The following ENTR1 variants were observed in gnomAD, a reference collection of about 807,000 sequenced individuals.
The protein encoded by ENTR1 is endosome-associated-trafficking regulator 1.
ENTR1 carries 47 observed loss-of-function variants against 47.9 expected under a neutral mutation model. The observed-to-expected ratio is 0.98, with a 90% CI of 0.78 to 1.25. ENTR1 has a LOEUF of 1.25. Among genes scored for constraint, ENTR1 ranks in the 50% most tolerant of loss-of-function variants. ENTR1 has a pLI of 0.00. For missense variants in ENTR1, 668 were observed against 570.5 expected (o/e 1.17, Z -1.74); for synonymous variants, 290 against 245.8 (o/e 1.18, Z -1.68).
chr9:136,407,574 A>C lies in ENTR1; in HGVS notation c.403-13T>G, dbSNP rs1203705976. 3 of 1,540,480 alleles carry C rather than the reference A, an allele frequency of 1.9e-6. No homozygotes were observed. The highest frequency in any genetic ancestry group is 2.6e-6 in the Non-Finnish European group (3 of 1,147,024). Reference sequence around the variant, plus strand: ...GCCTCGAGGCTTCCTAAAAAAAAAAAAAAAAAAAAAACAATGGAGGCCATG... The same window carrying C: ...GCCTCGAGGCTTCCTAAAAAAAAAACAAAAAAAAAAACAATGGAGGCCATG... On this transcript the variant is annotated splice_polypyrimidine_tract_variant and intron_variant, in intron 4 of 9. Transcript: ENST00000357365.
rs201614946 is a variant in ENTR1 at position 136,407,256 on chromosome 9, A to T, written c.708T>A (p.Asp236Glu). The T allele has an allele frequency of 3.6e-3, 5,776 of 1,613,136 alleles. 16 individuals carry two copies. The highest frequency in any genetic ancestry group is 4.5e-3 in the Non-Finnish European group (5,311 of 1,179,990). Residue 236 changes from aspartate (D) to glutamate (E), a missense_variant, in exon 5 of 10, where the codon GAT (aspartate) becomes GAA (glutamate). Coordinates refer to ENST00000357365, the MANE Select transcript of ENTR1 (RefSeq NM_001039707.2). The stretch of plus-strand genomic sequence containing the variant: ...CCGGAGAGGCCGGAGACACGCGAGA[A>T]TCAGTGTCACTCAACGCCCACGAGG... ...SLPSWALSDT[D>E]SRVSPASPAG...
intron 3 of ENTR1, among the ~76,000 whole-genome samples, chr9:136,408,351 G>A (rs1227168814): frequency 6.6e-6 from 1 of 152,088 alleles, no homozygotes; most frequent in Non-Finnish European, 1.5e-5. Flanking sequence ...GGTCAAGGCG[G>A]GCGGATCACG....
chr9:136,402,783 G>C lies in ENTR1; in HGVS notation c.*5C>G, dbSNP rs367975305. Reference sequence around the variant, plus strand: ...GAGCTTCATGCTGAGAACACCCAGGGGTCCTCAAGAGTCTTCCTCCTCGTC... The same window carrying C: ...GAGCTTCATGCTGAGAACACCCAGGCGTCCTCAAGAGTCTTCCTCCTCGTC... On this transcript the variant is annotated 3_prime_UTR_variant, in exon 10 of 10. Coordinates refer to ENST00000357365, the MANE Select transcript of ENTR1 (RefSeq NM_001039707.2). 32 of 1,599,600 alleles carry C rather than the reference G, an allele frequency of 2.0e-5. No individual in the cohort carries two copies. The highest frequency in any genetic ancestry group is 2.7e-5 in the Non-Finnish European group (31 of 1,168,112).
intron 8 of ENTR1, 111 bp downstream of exon 8, chr9:136,404,520 C>T: frequency 8.5e-7 from 1 of 1,183,172 alleles, no homozygotes; most frequent in Non-Finnish European, 1.2e-6. Flanking sequence ...AGTCCTTTCT[C>T]TGCTTGGGCT....
At position 136,402,772 on chromosome 9, in the gene ENTR1, G is replaced by A; in HGVS notation, c.*16C>T. 3.8e-6 allele frequency: 6 copies of A among 1,583,122 alleles called. No individual in the cohort carries two copies. The highest frequency in any genetic ancestry group is 5.2e-6 in the Non-Finnish European group (6 of 1,153,326). ...GGGTATACACGGAGCTTCATGCTGA[G>A]AACACCCAGGGGTCCTCAAGAGTCT... On this transcript the variant is annotated 3_prime_UTR_variant, in exon 10 of 10. Transcript: ENST00000357365.
chr9:136,404,479 C>T (rs1212027634), intron 8 of ENTR1, 152 bp downstream of exon 8: 1 of 890,888 alleles, frequency 1.1e-6, no homozygotes, highest in Admixed American at 2.6e-5. Context: ...GCTTCACGCC[C>T]TGACAGGAAG....
chr9:136,410,496 C>A lies in ENTR1; in HGVS notation c.-99G>T. Reference sequence around the variant, plus strand: ...CGCGGCCCGCGTCGCCCGCCCCCGTCGCCCGCCCCCGTCGCCCGCCGCTCG... The same window carrying A: ...CGCGGCCCGCGTCGCCCGCCCCCGTAGCCCGCCCCCGTCGCCCGCCGCTCG... On this transcript the variant is annotated 5_prime_UTR_variant, in exon 1 of 10. Transcript: ENST00000357365. The A allele has an allele frequency of 1.0e-6, 1 of 955,322 alleles. No individual in the cohort carries two copies. Among genetic ancestry groups the A allele is most frequent in the Non-Finnish European group, 1.3e-6 (1 of 787,224 alleles). The allele number at this position is 955,322 out of a possible 1,614,324, so 59.2% of individuals were successfully genotyped here.
intron 5 of ENTR1, 56 bp downstream of exon 5, chr9:136,407,089 C>A (rs545251690): frequency 1.7e-5 from 25 of 1,513,072 alleles, no homozygotes; most frequent in African/African-American, 4.2e-5. Flanking sequence ...AGGTTCTCCC[C>A]GGGAGAAGCC....
chr9:136,403,439 C>CAGGGAGCAAGGGG, intron 9 of ENTR1, among the ~76,000 whole-genome samples: 1 of 68,820 alleles, frequency 1.5e-5, no homozygotes, highest in African/African-American at 5.2e-5. Flanking sequence ...GACAGGGTTC[C>CAGGGAGCAAGGGG]TGGGAGCAAG....
At chr9:136,404,265 G>A in intron 8 of ENTR1, 71 bp from the exon 9 acceptor site, 8 of 1,538,694 alleles carry the variant, frequency 5.2e-6, no homozygotes, top group East Asian at 2.3e-5. Flanking sequence ...CACCTGGCGA[G>A]GCGAGGGCTT....
rs998617995 is a variant in ENTR1, at chr9:136,407,170, C to T, written c.794G>A (p.Arg265Gln). The part of the protein sequence containing the change: ...HGESLGDRHL[R>Q]TLQISYDALK... ...TGCGTCGTAACTTATCTGCAGCGTC[C>T]GCAGGTGCCTGTCTCCCAGAGACTC... Residue 265 changes from arginine (R) to glutamine (Q), a missense_variant, in exon 5 of 10, where the codon CGG becomes CAG. By Grantham distance (43) the Arg-to-Gln change is conservative (BLOSUM62 1). Transcript: ENST00000357365. 8.7e-6 allele frequency: 14 copies of T among 1,605,560 alleles called. No homozygotes were observed. The highest frequency in any genetic ancestry group is 5.4e-5 in the African/African-American group (4 of 74,754).
intron 9 of ENTR1, among the ~76,000 whole-genome samples, chr9:136,403,776 C>CGCCCA: frequency 6.6e-6 from 1 of 152,190 alleles, no homozygotes; most frequent in East Asian, 1.9e-4. Flanking sequence ...AGAGCTTCAG[C>CGCCCA]GCCCACATGG....
rs757310160 is a variant in ENTR1 at position 136,404,663 on chromosome 9, C to T, written c.1036G>A (p.Val346Met). ...KRAVKAENHV[V>M]KLKQEISLLQ... Reference sequence around the variant, plus strand: ...AAACTGATTTCCTGTTTTAGTTTCACGACGTGGTTTTCTGCCTTTACAGCC... The same window carrying T: ...AAACTGATTTCCTGTTTTAGTTTCATGACGTGGTTTTCTGCCTTTACAGCC... The change falls in exon 8 of 10, where the codon GTG becomes ATG. Residue 346 changes from valine (V) to methionine (M), a missense_variant. By Grantham distance (21) the Val-to-Met change is conservative. Transcript: ENST00000357365. 23 of 1,614,020 alleles carry T rather than the reference C, an allele frequency of 1.4e-5. No individual in the cohort carries two copies. The highest frequency in any genetic ancestry group is 1.1e-4 in the East Asian group (5 of 44,898).
At position 136,410,102 on chromosome 9, in the gene ENTR1, C is replaced by G. The variant is rs752987111; in HGVS notation, c.208G>C (p.Val70Leu). ...CCTCGTCTCTCACCTGTGTCTCCCA[C>G]GGAAGCCAGCACCGGGCTGGGCACA... ...CYVPSPVLAS[V>L]GDTDFGYGKG... The change falls in exon 2 of 10, where the codon GTG becomes CTG. Residue 70 changes from valine to leucine, a missense_variant. Val to Leu is a conservative substitution (Grantham distance 32). Transcript: ENST00000357365. The G allele has an allele frequency of 6.2e-7, 1 of 1,612,698 alleles. No individual in the cohort carries two copies. The highest frequency in any genetic ancestry group is 1.3e-5 in the African/African-American group (1 of 74,896).
At chr9:136,406,601 C>T (rs1221882033) in intron 5 of ENTR1, among the ~76,000 whole-genome samples, 2 of 152,054 alleles carry the variant, frequency 1.3e-5, no homozygotes, top group Non-Finnish European at 2.9e-5. Flanking sequence ...CTCAGCCTCC[C>T]AAGTAGCTGG....
In ENTR1 at chr9:136,410,577, C is replaced by T. The variant is rs1456380321; in HGVS notation, c.-180G>A. 4 of 1,186,688 alleles carry T rather than the reference C, an allele frequency of 3.4e-6. No homozygotes were observed. In the African/African-American group the frequency reaches 4.7e-5, roughly 14 times the overall value. 73.5% of individuals were successfully genotyped at this position (1,186,688 alleles called of 1,614,324 possible). On this transcript the variant is annotated 5_prime_UTR_variant, in exon 1 of 10. Coordinates refer to ENST00000357365, the MANE Select transcript of ENTR1 (RefSeq NM_001039707.2). Reference sequence around the variant, plus strand: ...CTGCTTCCGCTCCGAGCACCGAAAGCGCGTGCCTGAACGCCTTGGGCCGTC... The same window carrying T: ...CTGCTTCCGCTCCGAGCACCGAAAGTGCGTGCCTGAACGCCTTGGGCCGTC...
rs1407535148 is a variant in ENTR1, at chr9:136,402,482, C to T, written c.*306G>A. ...GGATGGGACTGGAAAACATTGATTC[C>T]AGAACCACTCTTTTTCTTAAAATCA... is the stretch of plus-strand genomic sequence containing the variant. On this transcript the variant is annotated 3_prime_UTR_variant, in exon 10 of 10. Coordinates refer to ENST00000357365, the MANE Select transcript of ENTR1 (RefSeq NM_001039707.2). The T allele has an allele frequency of 1.2e-5, 3 of 253,836 alleles. No individual in the cohort carries two copies. The East Asian group carries it at 2.4e-4, about 20-fold the overall frequency. The allele number at this position is 253,836 out of a possible 1,614,324, so 15.7% of individuals were successfully genotyped here. A position where few individuals can be genotyped will look rare whatever the true frequency, so the allele number is the denominator to read the frequency against.
In ENTR1 at chr9:136,407,896, A is replaced by G; in HGVS notation, c.332T>C (p.Phe111Ser). The G allele has an allele frequency of 6.2e-7, 1 of 1,613,104 alleles. No individual in the cohort carries two copies. Among genetic ancestry groups the G allele is most frequent in the Non-Finnish European group, 8.5e-7 (1 of 1,179,196 alleles). Reference protein sequence around the residue: ...EDLEEANPFSFREFLKTKNLG... With the variant: ...EDLEEANPFSSREFLKTKNLG... ...GTTCTTGGTCTTCAGAAACTCTCTA[A>G]AAGAGAATGGATTTGCCTCTTCCAG... Residue 111 changes from phenylalanine (F) to serine (S), a missense_variant, in exon 4 of 10, where the codon TTT becomes TCT. Physicochemically the swap from Phe to Ser is radical, Grantham distance 155 (BLOSUM62 -2). Transcript: ENST00000357365.
chr9:136,405,758 G>A, intron 6 of ENTR1, 147 bp downstream of exon 6: 3 of 549,770 alleles, frequency 5.5e-6, no homozygotes, highest in Non-Finnish European at 9.4e-6. Flanking sequence ...CTTTTAGGCA[G>A]AACACAGAAA....
Sources: allele counts gnomAD v4.1 joint callset (sites outside exome capture counted in the v4.1 genomes callset), GRCh38; gene constraint gnomAD v4.1.1; transcripts MANE v1.5; gene names NCBI Gene and HGNC (gene_info 2026-07-23, HGNC 2026-07-21).